HDAC9: variants seen among roughly 807,000 people sequenced by gnomAD.
HDAC9 encodes histone deacetylase 9, also known as MEF-2 interacting transcription repressor (MITR) protein.
Under a neutral mutation model 139.4 loss-of-function variants are expected in HDAC9, and 41 were observed. That is an observed-to-expected ratio of 0.29 (90% CI 0.23 to 0.38). The LOEUF (loss-of-function observed/expected upper bound fraction) is 0.38, where lower values mean the gene tolerates loss of function less well. Ranked by LOEUF, HDAC9 falls within the 10% of genes least tolerant of loss-of-function variation. The probability of loss-of-function intolerance (pLI) is 1.00; values close to 1 mark genes in which losing one functional copy is unlikely to be tolerated. For synonymous variants in HDAC9, 517 were observed against 476.2 expected (o/e 1.09, Z -1.12); for missense variants, 1,147 against 1,297.0 (o/e 0.88, Z 1.78).
At chr7:18,133,233 A>G (rs77106042) in intron 1 of HDAC9, among the ~76,000 whole-genome samples, 2,644 of 152,330 alleles carry the variant, frequency 0.017, 74 homozygotes, top group African/African-American at 0.06. Flanking sequence ...TGCCCATGGC[A>G]TATCAGTAAA....
chr7:18,132,539 G>T lies in HDAC9; in HGVS notation c.-96-29690G>T, dbSNP rs1317223243. 4.6e-5 allele frequency among the ~76,000 whole-genome samples: 7 copies of T among 152,094 alleles called. No individual in the cohort carries two copies. The East Asian group carries it at 1.2e-3, about 25-fold the overall frequency. ...TCTTCCTGCCTCAGCCTCCTGAGTA[G>T]CTGAAACCGCAGGCACATACTACCA... is the stretch of plus-strand genomic sequence containing the variant. On this transcript the variant is annotated intron_variant, in intron 1 of 12. Coordinates refer to the HDAC9 transcript ENST00000417496.
chr7:18,487,909 A>G (rs186444908), intron 1 of HDAC9, among the ~76,000 whole-genome samples: 7 of 152,166 alleles, frequency 4.6e-5, no homozygotes, highest in African/African-American at 1.7e-4. Context: ...GCAAGTAGTA[A>G]CTTAGTCTTG....
chr7:18,136,162 C>G (rs570703297), intron 1 of HDAC9, among the ~76,000 whole-genome samples: 6,085 of 147,954 alleles, frequency 0.041, 117 homozygotes, highest in Non-Finnish European at 0.063. Context: ...TTGTTTTTTT[C>G]TTGTAAATTT....
At chr7:18,439,127 G>A (rs781118956) in intron 1 of HDAC9, among the ~76,000 whole-genome samples, 38 of 152,212 alleles carry the variant, frequency 2.5e-4, no homozygotes, top group Non-Finnish European at 4.9e-4. Flanking sequence ...CAGATCTGGT[G>A]GCTTTGAATA....
At chr7:18,844,073 T>C (rs774761564) in intron 21 of HDAC9, among the ~76,000 whole-genome samples, 1 of 152,216 alleles carries the variant, frequency 6.6e-6, no homozygotes, top group Non-Finnish European at 1.5e-5. Flanking sequence ...TTTGGTGTCA[T>C]ATAGATGGAA....
chr7:18,100,103 C>T (rs1449096366), intron 1 of HDAC9, among the ~76,000 whole-genome samples: 2 of 152,016 alleles, frequency 1.3e-5, no homozygotes, highest in African/African-American at 4.8e-5. Flanking sequence ...AATTCTAGGT[C>T]AGTTTTTTTC....
At chr7:18,361,480 A>G (rs1022991056) in intron 1 of HDAC9, among the ~76,000 whole-genome samples, 2 of 152,292 alleles carry the variant, frequency 1.3e-5, no homozygotes, top group African/African-American at 4.8e-5. Context: ...CACCTCAAGA[A>G]GACCTGAAAA....
chr7:18,128,464 T>C (rs1784809927), intron 1 of HDAC9, among the ~76,000 whole-genome samples: 1 of 152,010 alleles, frequency 6.6e-6, no homozygotes, highest in South Asian at 2.1e-4. Context: ...AGCCGAGGTC[T>C]TTATTAGTTT....
At chr7:18,118,895 C>G (rs901223368) in intron 1 of HDAC9, among the ~76,000 whole-genome samples, 8 of 152,110 alleles carry the variant, frequency 5.3e-5, no homozygotes, top group African/African-American at 1.7e-4. Context: ...TCGGAAAACA[C>G]CTGAAAAGTG....
At chr7:18,480,680 G>A (rs1327310982) in intron 1 of HDAC9, among the ~76,000 whole-genome samples, 2 of 152,134 alleles carry the variant, frequency 1.3e-5, no homozygotes, top group East Asian at 1.9e-4. Context: ...GCTGCAACAC[G>A]TGTTTCTATA....
intron 1 of HDAC9, among the ~76,000 whole-genome samples, chr7:18,144,325 C>G (rs942287104): frequency 6.6e-6 from 1 of 152,140 alleles, no homozygotes; most frequent in East Asian, 1.9e-4. Context: ...TTCTTTGTTC[C>G]TGATTACTGT....
rs3058733 is a variant in HDAC9 at position 18,249,502 on chromosome 7, C to CAA, written c.25+87173_25+87174dup. 1.8e-3 allele frequency among the ~76,000 whole-genome samples: 105 copies of CAA among 58,312 alleles called. 1 individual carries two copies. Among genetic ancestry groups the CAA allele is most frequent in the Non-Finnish European group, 2.2e-3 (56 of 25,812 alleles). The allele number at this position is 58,312 out of a possible 152,430, so 38.3% of individuals were successfully genotyped here. A position where few individuals can be genotyped will look rare whatever the true frequency, so the allele number is the denominator to read the frequency against. On this transcript the variant is annotated intron_variant, in intron 2 of 12. Coordinates refer to the HDAC9 transcript ENST00000417496. ...TGAGCGACAGAGCAAGACTCTGTCT[C>CAA]AAAAAAAAAAAAAAAAAAAAACAAA...
At chr7:18,207,096 G>A (rs1413555846) in intron 2 of HDAC9, among the ~76,000 whole-genome samples, 3 of 151,572 alleles carry the variant, frequency 2.0e-5, no homozygotes, top group African/African-American at 7.3e-5. Flanking sequence ...TGTTTGTTTG[G>A]TTTGTTTTTG....
intron 1 of HDAC9, among the ~76,000 whole-genome samples, chr7:18,304,841 A>T (rs1585086774): frequency 6.6e-6 from 1 of 152,156 alleles, no homozygotes; most frequent in African/African-American, 2.4e-5. Flanking sequence ...AGAAGGATAG[A>T]ACCCTCAGTG....
At chr7:18,638,764 T>C (rs1784668659) in intron 8 of HDAC9, among the ~76,000 whole-genome samples, 2 of 152,114 alleles carry the variant, frequency 1.3e-5, no homozygotes, top group South Asian at 4.1e-4. Context: ...TGACCACTTC[T>C]GTTCCATTTC....
intron 1 of HDAC9, among the ~76,000 whole-genome samples, chr7:18,384,384 T>G (rs1252706296): frequency 6.6e-6 from 1 of 152,200 alleles, no homozygotes; most frequent in Non-Finnish European, 1.5e-5. Context: ...CTAAAATATT[T>G]ATAGTCATTT....
chr7:18,477,016 C>T (rs922557569), intron 1 of HDAC9, among the ~76,000 whole-genome samples: 7 of 152,132 alleles, frequency 4.6e-5, no homozygotes, highest in African/African-American at 1.7e-4. Flanking sequence ...TTACCACTTA[C>T]AAATATAGGA....
chr7:18,164,705 G>A (rs758427788), intron 2 of HDAC9, among the ~76,000 whole-genome samples: 1 of 152,116 alleles, frequency 6.6e-6, no homozygotes, highest in Non-Finnish European at 1.5e-5. Flanking sequence ...ACAAAATGCC[G>A]CCGTCTTAAT....
At chr7:18,546,310 A>G (rs1264313046) in intron 2 of HDAC9, among the ~76,000 whole-genome samples, 2 of 152,214 alleles carry the variant, frequency 1.3e-5, no homozygotes, top group Admixed American at 6.5e-5. Context: ...AGAATGGGAT[A>G]TATAGTCCCA....
Sources: gnomAD v4.1 joint callset for allele counts (sites outside exome capture counted in the v4.1 genomes callset) on GRCh38, gnomAD v4.1.1 for gene constraint, MANE v1.5 for transcripts, NCBI Gene and HGNC (gene_info 2026-07-23, HGNC 2026-07-21) for gene names.